Variants in PDF observed in about 807,000 individuals in gnomAD.
The protein encoded by PDF is peptide deformylase-like protein.
A neutral mutation model predicts 20.3 loss-of-function variants in PDF; 31 were observed. The observed-to-expected ratio is 1.52, with a 90% CI of 1.15 to 2.06. PDF has a LOEUF of 2.06. PDF is among the 30% of genes most tolerant of loss of function. The probability of loss-of-function intolerance (pLI) is 0.00; values close to 1 mark genes in which losing one functional copy is unlikely to be tolerated. For synonymous variants in PDF, 254 were observed against 172.0 expected (o/e 1.48, Z -3.73); for missense variants, 447 against 362.5 (o/e 1.23, Z -1.89).
At position 69,328,548 on chromosome 16, in the gene PDF, TCTTTC is replaced by T. The variant is rs2143294192; in HGVS notation, c.*469_*473del. On this transcript the variant is annotated 3_prime_UTR_variant, in exon 2 of 2. Transcript: ENST00000288022. ...ACACATCCTTGAACAGGGACTATTC[TCTTTC>T]ATTTCCATAAGCAAACTGGCGTCTA... 2 of 175,558 alleles carry T rather than the reference TCTTTC, an allele frequency of 1.1e-5. No homozygotes were observed. The highest frequency in any genetic ancestry group is 6.5e-5 in the Admixed American group (1 of 15,406). 10.9% of individuals were successfully genotyped at this position (175,558 alleles called of 1,614,324 possible).
rs534395041 is a variant in PDF at position 69,328,993 on chromosome 16, C to G, written c.*29G>C. The G allele has an allele frequency of 1.9e-6, 3 of 1,591,366 alleles. No individual in the cohort carries two copies. The African/African-American group carries it at 4.1e-5, about 21-fold the overall frequency. ...AGTGAAAGTGTTTGCGTCTTGGTATCCGGAATCCTCAGCCCCAGTAGCAAA... is the reference window on the plus strand; with the variant it reads ...AGTGAAAGTGTTTGCGTCTTGGTATGCGGAATCCTCAGCCCCAGTAGCAAA... On this transcript the variant is annotated 3_prime_UTR_variant, in exon 2 of 2. Transcript: ENST00000288022.
rs1381926448 is a variant in PDF, at chr16:69,328,856, G to A, written c.*166C>T. The A allele has an allele frequency of 1.1e-6, 1 of 912,574 alleles. No homozygotes were observed. Among genetic ancestry groups the A allele is most frequent in the Non-Finnish European group, 1.6e-6 (1 of 619,150 alleles). The allele number at this position is 912,574 out of a possible 1,614,324, so 56.5% of individuals were successfully genotyped here. A position where few individuals can be genotyped will look rare whatever the true frequency, so the allele number is the denominator to read the frequency against. ...CATTTTGTCCGTAACTGATTTCAGG[G>A]CAAACATTTCTGACATCTTCCTCCA... is the stretch of plus-strand genomic sequence containing the variant. On this transcript the variant is annotated 3_prime_UTR_variant, in exon 2 of 2. Transcript: ENST00000288022.
Position 69,327,844 on chromosome 16 carries a change from C to G in PDF, c.*1178G>C, listed in dbSNP as rs1271594603. 1 of 150,452 alleles carries G rather than the reference C, an allele frequency of 6.6e-6. No homozygotes were observed. Among genetic ancestry groups the G allele is most frequent in the Non-Finnish European group, 1.5e-5 (1 of 67,906 alleles). 9.3% of individuals were successfully genotyped at this position (150,452 alleles called of 1,614,324 possible). ...CTGGGCAACATAGTAAGACCCCCGTCTCTATCTTAAAAAAAAAATAAAAGA... is the reference window on the plus strand; with the variant it reads ...CTGGGCAACATAGTAAGACCCCCGTGTCTATCTTAAAAAAAAAATAAAAGA... On this transcript the variant is annotated 3_prime_UTR_variant, in exon 2 of 2. Coordinates refer to ENST00000288022, the MANE Select transcript of PDF (RefSeq NM_022341.2).
In PDF at chr16:69,329,032, A is replaced by C; in HGVS notation, c.722T>G (p.Val241Gly). 2 of 1,608,628 alleles carry C rather than the reference A, an allele frequency of 1.2e-6. No homozygotes were observed. Among genetic ancestry groups the C allele is most frequent in the Non-Finnish European group, 1.7e-6 (2 of 1,178,424 alleles). The change falls in exon 2 of 2, where the codon GTG becomes GGG. Residue 241 changes from valine (V) to glycine (G), a missense_variant. Physicochemically the swap from Val to Gly is moderately radical, Grantham distance 109. Transcript: ENST00000288022. ...RTFTNVYWMK[V>G]ND ...CCCAGTAGCAAAGCTTTAGTCATTC[A>C]CCTTCATCCAATAGACGTTTGTGAA...
intron 1 of PDF, 38 bp downstream of exon 1, chr16:69,329,959 C>A: frequency 6.7e-7 from 1 of 1,494,614 alleles, no homozygotes; most frequent in African/African-American, 1.5e-5. Flanking sequence ...AAGAGACGCG[C>A]GCGCTGCTCC....
In PDF at chr16:69,329,216, G is replaced by A. The variant is rs765407383; in HGVS notation, c.575-37C>T. 2.6e-6 allele frequency: 4 copies of A among 1,538,696 alleles called. No individual in the cohort carries two copies. In the South Asian group the frequency reaches 4.9e-5, roughly 19 times the overall value. ...GTTACAGCCCTGGTGAGTGGGAACAGCTGAACTGCATCATCCTCAACCTCC... is the reference window on the plus strand; with the variant it reads ...GTTACAGCCCTGGTGAGTGGGAACAACTGAACTGCATCATCCTCAACCTCC... On this transcript the variant is annotated intron_variant, in intron 1 of 1. Coordinates refer to ENST00000288022, the MANE Select transcript of PDF (RefSeq NM_022341.2).
chr16:69,328,938 T>C lies in PDF; in HGVS notation c.*84A>G. 6.5e-7 allele frequency: 1 copy of C among 1,533,892 alleles called. No homozygotes were observed. Among genetic ancestry groups the C allele is most frequent in the East Asian group, 2.4e-5 (1 of 40,848 alleles). On this transcript the variant is annotated 3_prime_UTR_variant, in exon 2 of 2. Coordinates refer to ENST00000288022, the MANE Select transcript of PDF (RefSeq NM_022341.2). ...TCCTGTCATATGCGAGCCATCCAAG[T>C]TGATGCCAAGTAAGATTTGCCCAGC...
Position 69,330,044 on chromosome 16 carries a change from G to A in PDF, c.527C>T (p.Ala176Val). The A allele has an allele frequency of 6.5e-7, 1 of 1,549,708 alleles. No individual in the cohort carries two copies. Residue 176 changes from alanine (A) to valine (V), a missense_variant, in exon 1 of 2, where the codon GCC becomes GTC. Coordinates refer to ENST00000288022, the MANE Select transcript of PDF (RefSeq NM_022341.2). ...GCGGGGCACGCAGGCCAGGAAGCCG[G>A]CGACGCTCTCGCAGCCCTCGGGAAA... ...VTFPEGCESV[A>V]GFLACVPRFQ...
chr16:69,328,967 A>C lies in PDF; in HGVS notation c.*55T>G. 6.4e-7 allele frequency: 1 copy of C among 1,572,250 alleles called. No individual in the cohort carries two copies. The highest frequency in any genetic ancestry group is 8.6e-7 in the Non-Finnish European group (1 of 1,168,400). ...TGCCAAGTAAGATTTGCCCAGCTCAAAGTGAAAGTGTTTGCGTCTTGGTAT... is the reference window on the plus strand; with the variant it reads ...TGCCAAGTAAGATTTGCCCAGCTCACAGTGAAAGTGTTTGCGTCTTGGTAT... On this transcript the variant is annotated 3_prime_UTR_variant, in exon 2 of 2. Coordinates refer to ENST00000288022, the MANE Select transcript of PDF (RefSeq NM_022341.2).
In PDF at chr16:69,330,237, T is replaced by C; in HGVS notation, c.334A>G (p.Ser112Gly). 2 of 1,448,026 alleles carry C rather than the reference T, an allele frequency of 1.4e-6. No homozygotes were observed. Among genetic ancestry groups the C allele is most frequent in the Non-Finnish European group, 1.8e-6 (2 of 1,109,392 alleles). The allele number at this position is 1,448,026 out of a possible 1,614,324, so 89.7% of individuals were successfully genotyped here. A position where few individuals can be genotyped will look rare whatever the true frequency, so the allele number is the denominator to read the frequency against. Residue 112 changes from serine to glycine, a missense_variant, in exon 1 of 2, where the codon AGC becomes GGC. By Grantham distance (56) the Ser-to-Gly change is moderately conservative (BLOSUM62 0). Coordinates refer to ENST00000288022, the MANE Select transcript of PDF (RefSeq NM_022341.2). The part of the protein sequence containing the change: ...VMRRRRCVGL[S>G]APQLGVPRQV... ...CGCGGCACCCCCAGCTGCGGCGCGC[T>C]TAGGCCCACGCAGCGCCGCCGCCGC...
At position 69,330,097 on chromosome 16, in the gene PDF, C is replaced by T. The variant is rs2011663701; in HGVS notation, c.474G>A (p.Leu158=). The T allele has an allele frequency of 3.2e-6, 5 of 1,580,264 alleles. No homozygotes were observed. The highest frequency in any genetic ancestry group is 4.3e-6 in the Non-Finnish European group (5 of 1,165,712). ...TGACCAGGCGGCTGTCAAGCACTCG[C>T]AGGCTGGGGTTCACGAACACGCGCA... The part of the protein sequence containing the change: ...FPLRVFVNPS[L]RVLDSRLVTF... The change falls in exon 1 of 2, where the codon CTG becomes CTA. Residue 158 remains leucine, a synonymous_variant. Coordinates refer to ENST00000288022, the MANE Select transcript of PDF (RefSeq NM_022341.2).
At position 69,329,005 on chromosome 16, in the gene PDF, G is replaced by GC. The variant is rs1567428134; in HGVS notation, c.*16dup. On this transcript the variant is annotated 3_prime_UTR_variant, in exon 2 of 2. Transcript: ENST00000288022. ...TGCGTCTTGGTATCCGGAATCCTCA[G>GC]CCCCAGTAGCAAAGCTTTAGTCATT... 6.3e-7 allele frequency: 1 copy of GC among 1,599,268 alleles called. No individual in the cohort carries two copies. The highest frequency in any genetic ancestry group is 8.5e-7 in the Non-Finnish European group (1 of 1,175,720).
rs1443676016 is a variant in PDF at position 69,327,586 on chromosome 16, T to A, written c.*1436A>T. 6.6e-6 allele frequency: 1 copy of A among 152,060 alleles called. No homozygotes were observed. The highest frequency in any genetic ancestry group is 2.4e-5 in the African/African-American group (1 of 41,374). 9.4% of individuals were successfully genotyped at this position (152,060 alleles called of 1,614,324 possible). A position where few individuals can be genotyped will look rare whatever the true frequency, so the allele number is the denominator to read the frequency against. Reference sequence around the variant, plus strand: ...CTTTCCTGGGTTCATTTAACTGCCATTTATAACACTTTTTCCTCTAAACAG... The same window carrying A: ...CTTTCCTGGGTTCATTTAACTGCCAATTATAACACTTTTTCCTCTAAACAG... On this transcript the variant is annotated 3_prime_UTR_variant, in exon 2 of 2. Coordinates refer to ENST00000288022, the MANE Select transcript of PDF (RefSeq NM_022341.2).
chr16:69,329,663 G>A (rs941765503), intron 1 of PDF, among the ~76,000 whole-genome samples: 1 of 152,262 alleles, frequency 6.6e-6, no homozygotes, highest in Non-Finnish European at 1.5e-5. Flanking sequence ...GGTCAGGCTG[G>A]CGGGGGCTAA....
rs1965614193 is a variant in PDF at position 69,327,090 on chromosome 16, C to A, written c.*1932G>T. ...TCCTAAAGACCCATGTTTTTAGCAT[C>A]TATGAGCTTTCTACAAATCTCCCCA... is the stretch of plus-strand genomic sequence containing the variant. On this transcript the variant is annotated 3_prime_UTR_variant, in exon 2 of 2. Transcript: ENST00000288022. 6.6e-6 allele frequency: 1 copy of A among 150,602 alleles called. No individual in the cohort carries two copies. Among genetic ancestry groups the A allele is most frequent in the Admixed American group, 6.6e-5 (1 of 15,090 alleles). The allele number at this position is 150,602 out of a possible 1,614,324, so 9.3% of individuals were successfully genotyped here.
rs747524261 is a variant in PDF, at chr16:69,330,077, A to G, written c.494T>C (p.Leu165Pro). 1.7e-5 allele frequency: 26 copies of G among 1,568,776 alleles called. No homozygotes were observed. In the South Asian group the frequency reaches 2.9e-4, roughly 18 times the overall value. Residue 165 changes from leucine to proline, a missense_variant, in exon 1 of 2, where the codon CTG becomes CCG. By Grantham distance (98) the Leu-to-Pro change is moderately conservative (BLOSUM62 -3). Coordinates refer to ENST00000288022, the MANE Select transcript of PDF (RefSeq NM_022341.2). ...CTCGCAGCCCTCGGGAAAGGTGACC[A>G]GGCGGCTGTCAAGCACTCGCAGGCT... is the stretch of plus-strand genomic sequence containing the variant. The part of the protein sequence containing the change: ...NPSLRVLDSR[L>P]VTFPEGCESV...
Position 69,330,447 on chromosome 16 carries a change from G to T in PDF, c.124C>A (p.Pro42Thr). The T allele has an allele frequency of 6.8e-7, 1 of 1,473,268 alleles. No individual in the cohort carries two copies. The highest frequency in any genetic ancestry group is 8.9e-7 in the Non-Finnish European group (1 of 1,120,588). The allele number at this position is 1,473,268 out of a possible 1,614,324, so 91.3% of individuals were successfully genotyped here. The stretch of plus-strand genomic sequence containing the variant: ...CGCCAATAGGAGCGCCGCAGCGCCG[G>T]GCCCTCGACGCCGTCCGGGGCGGCC... ...STAAPDGVEG[P>T]ALRRSYWRHL... Residue 42 changes from proline to threonine, a missense_variant, in exon 1 of 2, where the codon CCG becomes ACG. Physicochemically the swap from Pro to Thr is conservative, Grantham distance 38. Transcript: ENST00000288022.
Position 69,329,071 on chromosome 16 carries a change from AT to A in PDF, c.682del (p.Met228TrpfsTer12). ...HLQGCLFIDK[M>X]DSRTFTNVYW... is the part of the protein sequence containing the mutation. ...GACGTTTGTGAACGTCCTGCTGTCC[AT>A]TTTGTCAATAAACAGGCAGCCCTGC... On this transcript the variant is annotated frameshift_variant, in exon 2 of 2. Transcript: ENST00000288022. LOFTEE classifies it high-confidence loss of function. 6.2e-7 allele frequency: 1 copy of A among 1,611,958 alleles called. No individual in the cohort carries two copies.
In PDF at chr16:69,330,428, T is replaced by C. The variant is rs948791022; in HGVS notation, c.143A>G (p.Tyr48Cys). Reference protein sequence around the residue: ...GVEGPALRRSYWRHLRRLVLG... With the variant: ...GVEGPALRRSCWRHLRRLVLG... ...CACCAGACGCCTCAGGTGGCGCCAATAGGAGCGCCGCAGCGCCGGGCCCTC... is the reference window on the plus strand; with the variant it reads ...CACCAGACGCCTCAGGTGGCGCCAACAGGAGCGCCGCAGCGCCGGGCCCTC... The change falls in exon 1 of 2, where the codon TAT becomes TGT. Residue 48 changes from tyrosine (Y) to cysteine (C), a missense_variant. Physicochemically the swap from Tyr to Cys is radical, Grantham distance 194. Transcript: ENST00000288022. 19 of 1,475,926 alleles carry C rather than the reference T, an allele frequency of 1.3e-5. No homozygotes were observed. Among genetic ancestry groups the C allele is most frequent in the Admixed American group, 4.8e-5 (2 of 41,924 alleles). 91.4% of individuals were successfully genotyped at this position (1,475,926 alleles called of 1,614,324 possible).
Sources: allele counts gnomAD v4.1 joint callset (sites outside exome capture counted in the v4.1 genomes callset), GRCh38; gene constraint gnomAD v4.1.1; transcripts MANE v1.5; gene names NCBI Gene and HGNC (gene_info 2026-07-23, HGNC 2026-07-21).